Variants in RAB39A observed in about 807,000 individuals in gnomAD.
The protein encoded by RAB39A is ras-related protein Rab-39A.
A neutral mutation model predicts 20.9 loss-of-function variants in RAB39A; 17 were observed. That is an observed-to-expected ratio of 0.81 (90% CI 0.56 to 1.22). The LOEUF (loss-of-function observed/expected upper bound fraction) is 1.22, where lower values mean the gene tolerates loss of function less well. Ranked by LOEUF, RAB39A falls within the 50% of genes most tolerant of loss-of-function variation. RAB39A has a pLI of 0.00. For missense variants in RAB39A, 234 were observed against 270.5 expected (o/e 0.87, Z 0.95); for synonymous variants, 99 against 103.4 (o/e 0.96, Z 0.26).
At chr11:107,935,409 C>G (rs909868993) in intron 1 of RAB39A, among the ~76,000 whole-genome samples, 1 of 150,870 alleles carries the variant, frequency 6.6e-6, no homozygotes, top group African/African-American at 2.4e-5. Flanking sequence ...GAGTCTGGCT[C>G]TGTCGCCTAG....
chr11:107,936,444 C>T (rs1392185964), intron 1 of RAB39A, among the ~76,000 whole-genome samples: 2 of 152,066 alleles, frequency 1.3e-5, no homozygotes, highest in Non-Finnish European at 2.9e-5. Context: ...CTGGCTACCG[C>T]ATGTGTCTGT....
intron 1 of RAB39A, among the ~76,000 whole-genome samples, chr11:107,944,647 C>T (rs780502072): frequency 7.2e-5 from 11 of 151,862 alleles, no homozygotes; most frequent in Non-Finnish European, 1.3e-4. Context: ...AGCCTCCCAA[C>T]GTGCTGGGAT....
At chr11:107,948,229 A>C (rs1161291433) in intron 1 of RAB39A, among the ~76,000 whole-genome samples, 1 of 152,224 alleles carries the variant, frequency 6.6e-6, no homozygotes, top group African/African-American at 2.4e-5. Context: ...GTCTTACAAT[A>C]AGGCAACTGG....
At chr11:107,961,050 T>C (rs1861491424) in intron 1 of RAB39A, among the ~76,000 whole-genome samples, 1 of 152,186 alleles carries the variant, frequency 6.6e-6, no homozygotes, top group Non-Finnish European at 1.5e-5. Context: ...ATATCCCAGG[T>C]CCATACAGTC....
At chr11:107,939,386 C>T (rs1861236197) in intron 1 of RAB39A, among the ~76,000 whole-genome samples, 2 of 150,174 alleles carry the variant, frequency 1.3e-5, no homozygotes, top group South Asian at 4.2e-4. Context: ...GCGGGCAGAT[C>T]ACAAGGTCAG....
intron 1 of RAB39A, among the ~76,000 whole-genome samples, chr11:107,952,340 G>A (rs758939569): frequency 6.6e-6 from 1 of 152,200 alleles, no homozygotes; most frequent in Non-Finnish European, 1.5e-5. Context: ...CCAGCACTTT[G>A]GGAAGCCGAG....
chr11:107,955,473 CT>C (rs1861424914), intron 1 of RAB39A, among the ~76,000 whole-genome samples: 1 of 152,184 alleles, frequency 6.6e-6, no homozygotes, highest in Non-Finnish European at 1.5e-5. Context: ...ACTTCTCTTG[CT>C]TTCAGCTCTA....
intron 1 of RAB39A, among the ~76,000 whole-genome samples, chr11:107,933,263 C>T (rs1413599317): frequency 6.7e-6 from 1 of 149,100 alleles, no homozygotes; most frequent in African/African-American, 2.5e-5. Flanking sequence ...GCAGTGCTGT[C>T]AAGGAGTGCT....
chr11:107,931,363 C>T (rs866135071), intron 1 of RAB39A, among the ~76,000 whole-genome samples: 12 of 152,318 alleles, frequency 7.9e-5, no homozygotes, highest in Middle Eastern at 3.4e-3. Context: ...CAGTAACTCT[C>T]GCATTATAAT....
chr11:107,957,381 C>T (rs1341170560), intron 1 of RAB39A, among the ~76,000 whole-genome samples: 2 of 152,118 alleles, frequency 1.3e-5, no homozygotes, highest in Non-Finnish European at 2.9e-5. Context: ...CAGGAAGTTG[C>T]ACTGGGGAAA....
chr11:107,935,467 C>T (rs1415203674), intron 1 of RAB39A, among the ~76,000 whole-genome samples: 2 of 151,518 alleles, frequency 1.3e-5, no homozygotes, highest in East Asian at 1.9e-4. Flanking sequence ...CTCCACCTCC[C>T]GGGTTCACAC....
chr11:107,956,709 ATAAT>A (rs2134973275), intron 1 of RAB39A, among the ~76,000 whole-genome samples: 2 of 152,348 alleles, frequency 1.3e-5, no homozygotes, highest in East Asian at 3.9e-4. Flanking sequence ...GGGATTGGTT[ATAAT>A]TAATTCATAG....
intron 1 of RAB39A, among the ~76,000 whole-genome samples, chr11:107,930,872 A>G (rs960269380): frequency 9.2e-5 from 14 of 151,872 alleles, no homozygotes; most frequent in African/African-American, 2.9e-4. Flanking sequence ...AAATAAATAA[A>G]TAAATAAGTA....
chr11:107,931,317 A>G (rs1051895469), intron 1 of RAB39A, among the ~76,000 whole-genome samples: 1 of 152,214 alleles, frequency 6.6e-6, no homozygotes. Context: ...AAGAATGTAA[A>G]TAATAATTCA....
chr11:107,932,288 A>AT (rs2134947108), intron 1 of RAB39A, among the ~76,000 whole-genome samples: 1 of 152,346 alleles, frequency 6.6e-6, no homozygotes, highest in African/African-American at 2.4e-5. Flanking sequence ...ATAACTGTAG[A>AT]TTTGTATATT....
At chr11:107,940,483 T>G (rs1861247971) in intron 1 of RAB39A, among the ~76,000 whole-genome samples, 1 of 151,970 alleles carries the variant, frequency 6.6e-6, no homozygotes, top group Non-Finnish European at 1.5e-5. Flanking sequence ...CGGCTGGTCT[T>G]AAACTCCTGA....
chr11:107,948,931 A>G (rs72992512), intron 1 of RAB39A, among the ~76,000 whole-genome samples: 4,641 of 152,198 alleles, frequency 0.03, 118 homozygotes, highest in Non-Finnish European at 0.045. Flanking sequence ...CCTTTCCTGC[A>G]CAACTTTTCC....
At chr11:107,942,098 C>CAAAAAA (rs10537482) in intron 1 of RAB39A, among the ~76,000 whole-genome samples, 21 of 83,764 alleles carry the variant, frequency 2.5e-4, no homozygotes, top group African/African-American at 8.9e-4. Flanking sequence ...GATTCCATCT[C>CAAAAAA]AAAAAAAAAA....
Position 107,939,345 on chromosome 11 carries a change from G to A in RAB39A, c.227+10550G>A, listed in dbSNP as rs12421500. Among the ~76,000 whole-genome samples the A allele has an allele frequency of 4.0e-3, 599 of 151,150 alleles. 14 individuals carry two copies. Among genetic ancestry groups the A allele is most frequent in the Admixed American group, 0.035 (528 of 15,124 alleles). On this transcript the variant is annotated intron_variant, in intron 1 of 1. Transcript: ENST00000320578. ...AACGTGGCCGGGCGTGGTGGCTCACGCCTGTAATCCCAGCACTTTGGGAGG... is the reference window on the plus strand; with the variant it reads ...AACGTGGCCGGGCGTGGTGGCTCACACCTGTAATCCCAGCACTTTGGGAGG...
Sources: gnomAD v4.1 joint callset for allele counts (sites outside exome capture counted in the v4.1 genomes callset) on GRCh38, gnomAD v4.1.1 for gene constraint, MANE v1.5 for transcripts, NCBI Gene and HGNC (gene_info 2026-07-23, HGNC 2026-07-21) for gene names.